PDE11A: variants seen among roughly 807,000 people sequenced by gnomAD.
PDE11A encodes dual 3',5'-cyclic-AMP and -GMP phosphodiesterase 11A.
PDE11A carries 100 observed loss-of-function variants against 100.5 expected under a neutral mutation model. That is an observed-to-expected ratio of 1.00 (90% CI 0.85 to 1.18). The LOEUF is 1.18. Ranked by LOEUF, PDE11A falls within the 50% of genes most tolerant of loss-of-function variation. The probability of loss-of-function intolerance (pLI) is 0.00; values close to 1 mark genes in which losing one functional copy is unlikely to be tolerated. For synonymous variants in PDE11A, 381 were observed against 420.8 expected (o/e 0.91, Z 1.16); for missense variants, 1,141 against 1,152.6 (o/e 0.99, Z 0.15).
intron 7 of PDE11A, 62 bp from the exon 8 acceptor site, chr2:177,817,987 G>C (rs748334639): frequency 1.2e-6 from 1 of 823,630 alleles, no homozygotes; most frequent in Non-Finnish European, 2.2e-6. Flanking sequence ...TTCTCTAATA[G>C]AGTAGCCACA....
At chr2:177,646,816 C>G (rs1276459734) in intron 19 of PDE11A, among the ~76,000 whole-genome samples, 1 of 152,204 alleles carries the variant, frequency 6.6e-6, no homozygotes, top group Admixed American at 6.5e-5. Context: ...CTCATCTACT[C>G]TACCCTGCCC....
intron 1 of PDE11A, among the ~76,000 whole-genome samples, chr2:178,028,631 T>C (rs780787623): frequency 3.9e-5 from 6 of 152,228 alleles, no homozygotes; most frequent in Non-Finnish European, 7.3e-5. Context: ...TGTTCTCTTG[T>C]CTGCTGCCTT....
chr2:177,969,850 T>C (rs534495186), intron 2 of PDE11A, among the ~76,000 whole-genome samples: 1 of 152,312 alleles, frequency 6.6e-6, no homozygotes, highest in Admixed American at 6.5e-5. Context: ...TATTTTTGAA[T>C]ATCTACTATG....
At chr2:177,998,530 G>A (rs2086104929) in intron 2 of PDE11A, 6 of 1,370,562 alleles carry the variant, frequency 4.4e-6, no homozygotes, top group Non-Finnish European at 5.2e-6. Flanking sequence ...TTAATTGCTT[G>A]ACGTCAAATA....
intron 5 of PDE11A, among the ~76,000 whole-genome samples, chr2:177,854,821 C>A (rs943799118): frequency 2.0e-5 from 3 of 152,056 alleles, no homozygotes; most frequent in African/African-American, 7.2e-5. Context: ...CACCTCCTTG[C>A]CAGAAAGGGA....
At chr2:177,809,205 C>A (rs948367652) in intron 9 of PDE11A, among the ~76,000 whole-genome samples, 1 of 152,086 alleles carries the variant, frequency 6.6e-6, no homozygotes, top group Non-Finnish European at 1.5e-5. Context: ...TGCACAACAA[C>A]GTGAATGTAC....
intron 10 of PDE11A, among the ~76,000 whole-genome samples, chr2:177,759,282 G>T (rs1355081361): frequency 6.6e-6 from 1 of 152,066 alleles, no homozygotes; most frequent in African/African-American, 2.4e-5. Flanking sequence ...TTTACCTTGA[G>T]AGTTTTATGT....
At chr2:177,864,239 A>C (rs2083992660) in intron 5 of PDE11A, among the ~76,000 whole-genome samples, 1 of 152,170 alleles carries the variant, frequency 6.6e-6, no homozygotes, top group South Asian at 2.1e-4. Flanking sequence ...GAGGATACAA[A>C]GTAGCAGATA....
At chr2:177,908,010 G>C (rs907751223) in intron 2 of PDE11A, among the ~76,000 whole-genome samples, 1 of 152,150 alleles carries the variant, frequency 6.6e-6, no homozygotes, top group African/African-American at 2.4e-5. Flanking sequence ...TGCATGTACT[G>C]TATAGTAAAA....
At chr2:177,963,714 C>T (rs1359748898) in intron 2 of PDE11A, among the ~76,000 whole-genome samples, 2 of 152,166 alleles carry the variant, frequency 1.3e-5, no homozygotes, top group African/African-American at 4.8e-5. Flanking sequence ...TATCCTAAAG[C>T]ACAAGTATAG....
intron 10 of PDE11A, among the ~76,000 whole-genome samples, chr2:177,738,551 G>A (rs745360556): frequency 6.6e-6 from 1 of 152,150 alleles, no homozygotes; most frequent in Non-Finnish European, 1.5e-5. Context: ...TTTTGTCTTG[G>A]TTCTGCTCAG....
At chr2:177,785,254 G>A (rs550655384) in intron 9 of PDE11A, among the ~76,000 whole-genome samples, 1 of 152,156 alleles carries the variant, frequency 6.6e-6, no homozygotes, top group African/African-American at 2.4e-5. Context: ...CTGATTTCAA[G>A]GAAGTGAGGC....
rs903012896 is a variant in PDE11A at position 177,801,509 on chromosome 2, A to G, written c.1737+15320T>C. Reference sequence around the variant, plus strand: ...AAAAGAACTCAAATTATAATAGCAGAATTTAAGCCCACATTGGAGTTAATA... The same window carrying G: ...AAAAGAACTCAAATTATAATAGCAGGATTTAAGCCCACATTGGAGTTAATA... On this transcript the variant is annotated intron_variant, in intron 9 of 19. Coordinates refer to ENST00000286063, the MANE Select transcript of PDE11A (RefSeq NM_016953.4). Among the ~76,000 whole-genome samples, 22 of 152,176 alleles carry G rather than the reference A, an allele frequency of 1.4e-4. 1 individual carries two copies. Among genetic ancestry groups the G allele is most frequent in the Non-Finnish European group, 2.4e-4 (16 of 68,010 alleles).
In PDE11A at chr2:177,750,982, T is replaced by C. The variant is rs573673331; in HGVS notation, c.1788+18341A>G. On this transcript the variant is annotated intron_variant, in intron 10 of 19. Coordinates refer to ENST00000286063, the MANE Select transcript of PDE11A (RefSeq NM_016953.4). The stretch of plus-strand genomic sequence containing the variant: ...CAACATTTTTTAAATTGGTCTGGGG[T>C]GACATCCAGGTATTGGTATTATTTT... 9.4e-4 allele frequency among the ~76,000 whole-genome samples: 143 copies of C among 152,200 alleles called. 1 individual carries two copies. Among genetic ancestry groups the C allele is most frequent in the African/African-American group, 3.3e-3 (137 of 41,524 alleles).
At chr2:178,008,117 A>T (rs2086234055) in intron 2 of PDE11A, among the ~76,000 whole-genome samples, 1 of 152,216 alleles carries the variant, frequency 6.6e-6, no homozygotes, top group African/African-American at 2.4e-5. Flanking sequence ...ATAATTAGTT[A>T]TTCTTTTTTT....
At chr2:177,711,563 A>G (rs1354617902) in intron 13 of PDE11A, among the ~76,000 whole-genome samples, 1 of 152,258 alleles carries the variant, frequency 6.6e-6, no homozygotes, top group Admixed American at 6.5e-5. Flanking sequence ...GACCAAATCA[A>G]CAAGCATGAC....
At chr2:178,082,748 T>G (rs1035407840) in intron 2 of PDE11A, among the ~76,000 whole-genome samples, 1 of 152,170 alleles carries the variant, frequency 6.6e-6, no homozygotes, top group Non-Finnish European at 1.5e-5. Flanking sequence ...ACATCAAATG[T>G]AAAGCAGAGG....
intron 19 of PDE11A, among the ~76,000 whole-genome samples, chr2:177,636,443 T>A (rs547352568): frequency 1.3e-5 from 2 of 152,326 alleles, no homozygotes; most frequent in East Asian, 3.9e-4. Context: ...GTTACAGGTG[T>A]TTTCAGTGTG....
At chr2:177,724,970 T>C (rs1229799233) in intron 12 of PDE11A, among the ~76,000 whole-genome samples, 2 of 151,994 alleles carry the variant, frequency 1.3e-5, no homozygotes, top group African/African-American at 2.4e-5. Context: ...CTTTCTTTTT[T>C]CCCCCCAGAT....
Sources: allele counts gnomAD v4.1 joint callset (sites outside exome capture counted in the v4.1 genomes callset), GRCh38; gene constraint gnomAD v4.1.1; transcripts MANE v1.5; gene names NCBI Gene and HGNC (gene_info 2026-07-23, HGNC 2026-07-21).